Variants in SEMA3E observed in about 807,000 individuals in gnomAD.
SEMA3E encodes the protein semaphorin-3E.
Under a neutral mutation model 93.6 loss-of-function variants are expected in SEMA3E, and 49 were observed. The ratio of observed to expected loss-of-function variants is 0.52; its 90% confidence interval spans 0.42 to 0.66. SEMA3E has a LOEUF of 0.66. SEMA3E is among the 30% of genes least tolerant of loss of function. The pLI, the probability that SEMA3E is intolerant of heterozygous loss-of-function variation, is 0.00. For synonymous variants in SEMA3E, 363 were observed against 330.7 expected (o/e 1.10, Z -1.06); for missense variants, 906 against 964.8 (o/e 0.94, Z 0.81).
intron 1 of SEMA3E, among the ~76,000 whole-genome samples, chr7:83,607,398 G>A (rs1481620457): frequency 6.6e-6 from 1 of 152,146 alleles, no homozygotes; most frequent in African/African-American, 2.4e-5. Flanking sequence ...TTGCCATACT[G>A]TCTTGTAGAG....
At chr7:83,404,070 A>G (rs1169558569) in intron 9 of SEMA3E, among the ~76,000 whole-genome samples, 1 of 151,980 alleles carries the variant, frequency 6.6e-6, no homozygotes. Flanking sequence ...GCTTTAATTT[A>G]TCATATAAAT....
At chr7:83,532,118 TA>T (rs1486144250) in intron 1 of SEMA3E, among the ~76,000 whole-genome samples, 4 of 152,256 alleles carry the variant, frequency 2.6e-5, no homozygotes, top group Non-Finnish European at 5.9e-5. Context: ...AAGACAACAT[TA>T]AAAAAATTAG....
intron 1 of SEMA3E, among the ~76,000 whole-genome samples, chr7:83,567,692 A>G (rs1792192044): frequency 6.6e-6 from 1 of 151,778 alleles, no homozygotes; most frequent in Non-Finnish European, 1.5e-5. Context: ...AAATTTTTTT[A>G]AATATTATTG....
chr7:83,423,258 A>G (rs959830255), intron 4 of SEMA3E, among the ~76,000 whole-genome samples: 1 of 152,142 alleles, frequency 6.6e-6, no homozygotes. Flanking sequence ...CAAGTTTGAC[A>G]ATGAGCATAC....
Position 83,394,292 on chromosome 7 carries a change from C to T in SEMA3E, c.1500+5G>A, listed in dbSNP as rs201772961. On this transcript the variant is annotated splice_donor_5th_base_variant and intron_variant, in intron 13 of 16. Coordinates refer to ENST00000643230, the MANE Select transcript of SEMA3E (RefSeq NM_012431.3). ...CACCTACACACACACACACACAGAA[C>T]TTACCCGCTTTGAAGAAATCTCCAT... The T allele has an allele frequency of 2.2e-5, 36 of 1,612,012 alleles. No homozygotes were observed. The highest frequency in any genetic ancestry group is 3.0e-5 in the Non-Finnish European group (35 of 1,179,410).
chr7:83,560,244 A>G (rs938005738), intron 1 of SEMA3E, among the ~76,000 whole-genome samples: 3 of 152,082 alleles, frequency 2.0e-5, no homozygotes, highest in Admixed American at 6.6e-5. Context: ...GTGTCAATGT[A>G]GGTTCATCAG....
chr7:83,390,081 G>A (rs1425561985), intron 14 of SEMA3E, among the ~76,000 whole-genome samples: 699 of 128,466 alleles, frequency 5.4e-3, no homozygotes, highest in South Asian at 8.8e-3. Context: ...GCGTATACGT[G>A]TGCACATATA....
intron 1 of SEMA3E, among the ~76,000 whole-genome samples, chr7:83,533,459 G>T (rs1409928243): frequency 6.6e-6 from 1 of 152,232 alleles, no homozygotes; most frequent in South Asian, 2.1e-4. Context: ...CAGGAGAATG[G>T]CTTGAACCCG....
intron 1 of SEMA3E, among the ~76,000 whole-genome samples, chr7:83,634,027 T>G (rs1342780055): frequency 6.6e-6 from 1 of 152,164 alleles, no homozygotes; most frequent in African/African-American, 2.4e-5. Context: ...TTCTAGACAT[T>G]CAAAAATGAA....
intron 1 of SEMA3E, among the ~76,000 whole-genome samples, chr7:83,539,303 C>T (rs892549550): frequency 3.3e-5 from 5 of 152,158 alleles, no homozygotes; most frequent in Admixed American, 6.6e-5. Context: ...TTGGTATCCC[C>T]GAGTCAGTCA....
intron 2 of SEMA3E, among the ~76,000 whole-genome samples, chr7:83,472,127 T>A (rs575304252): frequency 6.6e-6 from 1 of 152,286 alleles, no homozygotes; most frequent in Admixed American, 6.5e-5. Flanking sequence ...CATGCCCTTT[T>A]TGGATCTGTG....
intron 2 of SEMA3E, among the ~76,000 whole-genome samples, chr7:83,477,554 G>A (rs1250254682): frequency 6.6e-6 from 1 of 152,008 alleles, no homozygotes; most frequent in East Asian, 1.9e-4. Context: ...CAGTTTATGT[G>A]CCAGAATTAT....
In SEMA3E at chr7:83,572,382, T is replaced by G. The variant is rs570763532; in HGVS notation, c.115+76046A>C. On this transcript the variant is annotated intron_variant, in intron 1 of 16. Coordinates refer to ENST00000643230, the MANE Select transcript of SEMA3E (RefSeq NM_012431.3). The stretch of plus-strand genomic sequence containing the variant: ...GGTCCTGGTACAAAAACGGATACAC[T>G]GTAATCCCAGCACTTTGGGAGGCCA... Among the ~76,000 whole-genome samples the G allele has an allele frequency of 2.0e-5, 3 of 152,182 alleles. No individual in the cohort carries two copies. The South Asian group carries it at 6.2e-4, about 32-fold the overall frequency.
intron 1 of SEMA3E, among the ~76,000 whole-genome samples, chr7:83,531,743 A>G (rs1285749082): frequency 1.3e-5 from 2 of 152,154 alleles, no homozygotes; most frequent in Non-Finnish European, 2.9e-5. Context: ...TTTATTTTCC[A>G]AGTTAGAGCA....
chr7:83,413,052 CTT>C (rs1313486361), intron 5 of SEMA3E, among the ~76,000 whole-genome samples: 1 of 152,062 alleles, frequency 6.6e-6, no homozygotes, highest in East Asian at 1.9e-4. Context: ...TCATTTGACT[CTT>C]TGAAATAGAT....
At chr7:83,598,368 T>G (rs1196252779) in intron 1 of SEMA3E, among the ~76,000 whole-genome samples, 4 of 152,212 alleles carry the variant, frequency 2.6e-5, no homozygotes, top group African/African-American at 7.2e-5. Flanking sequence ...AATGCCACCA[T>G]GATAAATGAT....
chr7:83,586,635 ACT>A (rs1263230088), intron 1 of SEMA3E, among the ~76,000 whole-genome samples: 5 of 151,476 alleles, frequency 3.3e-5, no homozygotes, highest in South Asian at 4.2e-4. Context: ...AATCAGTAAG[ACT>A]CTCTCTTTGA....
intron 1 of SEMA3E, among the ~76,000 whole-genome samples, chr7:83,560,204 T>C (rs1313671015): frequency 6.6e-6 from 1 of 152,102 alleles, no homozygotes; most frequent in Non-Finnish European, 1.5e-5. Flanking sequence ...TAAACCCTAA[T>C]GTAAACTATG....
rs1471018939 is a variant in SEMA3E, at chr7:83,368,205, CTCTCTGTG to C, written c.1876-175_1876-168del. On this transcript the variant is annotated intron_variant, in intron 16 of 16. Coordinates refer to ENST00000643230, the MANE Select transcript of SEMA3E (RefSeq NM_012431.3). Reference sequence around the variant, plus strand: ...GCTAAATAATTACATCTCTCTCTCTCTCTCTGTGTGTGTGTGTGTGTGTGTGTGTGTGT... The same window carrying C: ...GCTAAATAATTACATCTCTCTCTCTCTGTGTGTGTGTGTGTGTGTGTGTGT... Among the ~76,000 whole-genome samples the C allele has an allele frequency of 2.4e-3, 212 of 87,458 alleles. 1 individual carries two copies. Among genetic ancestry groups the C allele is most frequent in the African/African-American group, 5.2e-3 (167 of 31,982 alleles). The allele number at this position is 87,458 out of a possible 152,430, so 57.4% of individuals were successfully genotyped here.
Sources: gnomAD v4.1 joint callset for allele counts (sites outside exome capture counted in the v4.1 genomes callset) on GRCh38, gnomAD v4.1.1 for gene constraint, MANE v1.5 for transcripts, NCBI Gene and HGNC (gene_info 2026-07-23, HGNC 2026-07-21) for gene names.